Variants in AGBL4 observed in about 807,000 individuals in gnomAD.
The protein encoded by AGBL4 is cytosolic carboxypeptidase 6.
In AGBL4, 58 loss-of-function variants were observed where a neutral mutation model predicts 66.4. The ratio of observed to expected loss-of-function variants is 0.87; its 90% CI spans 0.71 to 1.09. The LOEUF (loss-of-function observed/expected upper bound fraction) is 1.09, where lower values mean the gene tolerates loss of function less well. Ranked by LOEUF, AGBL4 falls within the 50% of genes least tolerant of loss-of-function variation. The probability of loss-of-function intolerance (pLI) is 0.00; values close to 1 mark genes in which losing one functional copy is unlikely to be tolerated. For missense variants in AGBL4, 579 were observed against 631.0 expected (o/e 0.92, Z 0.88); for synonymous variants, 234 against 222.9 (o/e 1.05, Z -0.44).
chr1:49,444,307 TTTG>T (rs1441734729), intron 3 of AGBL4, among the ~76,000 whole-genome samples: 3 of 152,056 alleles, frequency 2.0e-5, no homozygotes, highest in Non-Finnish European at 4.4e-5. Context: ...AATGTGTTTT[TTTG>T]TTGTTGATTT....
rs1396212611 is a variant in AGBL4 at position 48,779,016 on chromosome 1, T to A, written c.634+88175A>T. 2.0e-5 allele frequency among the ~76,000 whole-genome samples: 3 copies of A among 152,218 alleles called. No homozygotes were observed. The East Asian group carries it at 5.8e-4, about 29-fold the overall frequency. ...CTCTGAGTTGTTCCAGCACATTTAC[T>A]GTCATGATTATGATTTCTTTGGACT... On this transcript the variant is annotated intron_variant, in intron 6 of 13. Transcript: ENST00000371839.
chr1:48,926,630 G>A (rs1654602172), intron 5 of AGBL4, among the ~76,000 whole-genome samples: 2 of 151,876 alleles, frequency 1.3e-5, no homozygotes, highest in African/African-American at 4.8e-5. Context: ...CTCTGTTTTA[G>A]GCAGCTGAAT....
At chr1:49,220,118 T>G (rs528412323) in intron 4 of AGBL4, among the ~76,000 whole-genome samples, 1 of 152,296 alleles carries the variant, frequency 6.6e-6, no homozygotes, top group Admixed American at 6.5e-5. Flanking sequence ...CATTCTCAAA[T>G]AGCTACAGAT....
chr1:48,890,115 C>T (rs1650795627), intron 5 of AGBL4, among the ~76,000 whole-genome samples: 2 of 152,118 alleles, frequency 1.3e-5, no homozygotes, highest in African/African-American at 4.8e-5. Context: ...GAATCACCCA[C>T]AGACAGGCAG....
At position 49,306,367 on chromosome 1, in the gene AGBL4, A is replaced by C. The variant is rs184095914; in HGVS notation, c.283-60503T>G. ...AAGAATGTTAAAGATATCAGTCCTA[A>C]AATTTGGGCTTCATGCTTATTGAAA... is the stretch of plus-strand genomic sequence containing the variant. On this transcript the variant is annotated intron_variant, in intron 3 of 13. Transcript: ENST00000371839. Among the ~76,000 whole-genome samples the C allele has an allele frequency of 5.1e-4, 77 of 152,284 alleles. 1 individual carries two copies. The highest frequency in any genetic ancestry group is 1.7e-3 in the African/African-American group (69 of 41,560).
chr1:48,723,250 G>C (rs1271510467), intron 6 of AGBL4, among the ~76,000 whole-genome samples: 1 of 152,168 alleles, frequency 6.6e-6, no homozygotes, highest in Non-Finnish European at 1.5e-5. Context: ...GAATGACTTT[G>C]AAAGTCTCAG....
chr1:49,721,873 T>C (rs191439311), intron 2 of AGBL4, among the ~76,000 whole-genome samples: 1 of 152,254 alleles, frequency 6.6e-6, no homozygotes, highest in East Asian at 1.9e-4. Context: ...AAACCAGTAA[T>C]ATTTATGAAA....
At chr1:49,559,345 G>A (rs1643979120) in intron 3 of AGBL4, among the ~76,000 whole-genome samples, 3 of 152,142 alleles carry the variant, frequency 2.0e-5, no homozygotes, top group Admixed American at 1.3e-4. Context: ...CTATGAGTCT[G>A]CAAGAACCAC....
chr1:48,646,851 G>A (rs1342186290), intron 8 of AGBL4, among the ~76,000 whole-genome samples: 1 of 152,062 alleles, frequency 6.6e-6, no homozygotes, highest in Non-Finnish European at 1.5e-5. Context: ...CCTCCATCAT[G>A]GGGCTGCTGT....
chr1:49,028,062 C>G (rs1663874384), intron 5 of AGBL4, among the ~76,000 whole-genome samples: 1 of 152,152 alleles, frequency 6.6e-6, no homozygotes, highest in South Asian at 2.1e-4. Flanking sequence ...TCATTTGGAA[C>G]AGCTTGTAGT....
At chr1:48,577,772 C>A (rs561337707) in intron 11 of AGBL4, among the ~76,000 whole-genome samples, 1 of 151,994 alleles carries the variant, frequency 6.6e-6, no homozygotes, top group Non-Finnish European at 1.5e-5. Context: ...AAACTAGGGA[C>A]GCTGATCAGA....
intron 2 of AGBL4, among the ~76,000 whole-genome samples, chr1:49,830,791 G>A (rs541266333): frequency 6.6e-6 from 1 of 152,244 alleles, no homozygotes; most frequent in East Asian, 1.9e-4. Context: ...TGTATAAGGT[G>A]TAAGGAAGGG....
chr1:49,192,076 A>G (rs1647130880), intron 4 of AGBL4, among the ~76,000 whole-genome samples: 1 of 152,236 alleles, frequency 6.6e-6, no homozygotes, highest in Non-Finnish European at 1.5e-5. Context: ...TCCTACCAAC[A>G]GTGTATAACT....
intron 5 of AGBL4, among the ~76,000 whole-genome samples, chr1:48,927,402 G>C (rs1654672628): frequency 6.6e-6 from 1 of 152,052 alleles, no homozygotes; most frequent in African/African-American, 2.4e-5. Context: ...GAAGAACATG[G>C]GGAAGACCAA....
chr1:49,128,380 T>C (rs1210988249), intron 4 of AGBL4, among the ~76,000 whole-genome samples: 1 of 152,034 alleles, frequency 6.6e-6, no homozygotes, highest in African/African-American at 2.4e-5. Flanking sequence ...TATATAGCAA[T>C]GCAAAGAAAC....
intron 7 of AGBL4, among the ~76,000 whole-genome samples, chr1:48,659,146 G>A (rs1646067342): frequency 6.6e-6 from 1 of 152,190 alleles, no homozygotes; most frequent in Admixed American, 6.5e-5. Context: ...AAGAGTGAAG[G>A]TGAAGAGGGG....
chr1:49,028,160 T>C (rs1165733735), intron 5 of AGBL4, among the ~76,000 whole-genome samples: 1 of 152,142 alleles, frequency 6.6e-6, no homozygotes, highest in African/African-American at 2.4e-5. Context: ...ACATGAGATT[T>C]ATAGCAACAA....
intron 3 of AGBL4, among the ~76,000 whole-genome samples, chr1:49,568,109 C>G (rs1359358313): frequency 6.6e-6 from 1 of 152,024 alleles, no homozygotes; most frequent in African/African-American, 2.4e-5. Flanking sequence ...ACCTCTCATT[C>G]CCCCTAGATA....
At chr1:48,976,705 T>A (rs1659364060) in intron 5 of AGBL4, among the ~76,000 whole-genome samples, 1 of 152,108 alleles carries the variant, frequency 6.6e-6, no homozygotes, top group Non-Finnish European at 1.5e-5. Flanking sequence ...AGCATGCATC[T>A]ACCTCTGGAC....
Sources: allele counts gnomAD v4.1 joint callset (sites outside exome capture counted in the v4.1 genomes callset), GRCh38; gene constraint gnomAD v4.1.1; transcripts MANE v1.5; gene names NCBI Gene and HGNC (gene_info 2026-07-23, HGNC 2026-07-21).